MYT1L: variants seen among roughly 807,000 people sequenced by gnomAD.
The protein encoded by MYT1L is myelin transcription factor 1-like protein.
MYT1L carries 12 observed loss-of-function variants against 126.7 expected under a neutral mutation model. The observed-to-expected ratio is 0.09, with a 90% confidence interval of 0.06 to 0.15. MYT1L has a LOEUF of 0.15. Among genes scored for constraint, MYT1L ranks in the 10% least tolerant of loss-of-function variants. The probability of loss-of-function intolerance (pLI) is 1.00; values close to 1 mark genes in which losing one functional copy is unlikely to be tolerated. For synonymous variants in MYT1L, 541 were observed against 604.2 expected, an observed-to-expected ratio of 0.90 and a Z score of 1.53; for missense variants, 979 against 1,585.2, an observed-to-expected ratio of 0.62 and a Z score of 6.49.
chr2:2,016,622 G>A (rs542539114), intron 4 of MYT1L, among the ~76,000 whole-genome samples: 12 of 152,202 alleles, frequency 7.9e-5, no homozygotes, highest in South Asian at 2.1e-4. Context: ...GTGGGAACTG[G>A]GGAAACATAT....
intron 3 of MYT1L, among the ~76,000 whole-genome samples, chr2:2,144,067 A>G (rs2084483724): frequency 6.6e-6 from 1 of 152,146 alleles, no homozygotes; most frequent in African/African-American, 2.4e-5. Context: ...ACACCCAGCT[A>G]AAAAGCCTGC....
At chr2:2,141,832 A>T (rs1210084577) in intron 3 of MYT1L, among the ~76,000 whole-genome samples, 1 of 152,214 alleles carries the variant, frequency 6.6e-6, no homozygotes, top group Non-Finnish European at 1.5e-5. Context: ...ACCTTAGTCC[A>T]GGAGCCTCCT....
At position 2,005,481 on chromosome 2, in the gene MYT1L, T is replaced by G. The variant is rs201993699; in HGVS notation, c.-157-8134A>C. Reference sequence around the variant, plus strand: ...TTTCCTGCATGTGTTCTTTCCTGAATGCGTTCTTTCCTGCAGGCATTCTTT... The same window carrying G: ...TTTCCTGCATGTGTTCTTTCCTGAAGGCGTTCTTTCCTGCAGGCATTCTTT... On this transcript the variant is annotated intron_variant, in intron 4 of 24. Coordinates refer to ENST00000647738, the MANE Select transcript of MYT1L (RefSeq NM_001303052.2). Among the ~76,000 whole-genome samples the G allele has an allele frequency of 6.4e-4, 31 of 48,292 alleles. 1 individual carries two copies. The highest frequency in any genetic ancestry group is 2.5e-3 in the Admixed American group (11 of 4,446). 31.7% of individuals were successfully genotyped at this position (48,292 alleles called of 152,430 possible).
At chr2:2,199,120 G>A (rs1333585566) in intron 2 of MYT1L, among the ~76,000 whole-genome samples, 1 of 152,154 alleles carries the variant, frequency 6.6e-6, no homozygotes, top group Non-Finnish European at 1.5e-5. Flanking sequence ...AGTAGGCTTT[G>A]GAAAGGTTCA....
chr2:2,152,327 T>C (rs1240087568), intron 3 of MYT1L, among the ~76,000 whole-genome samples: 1 of 152,254 alleles, frequency 6.6e-6, no homozygotes, highest in African/African-American at 2.4e-5. Flanking sequence ...ATCAGGCTAC[T>C]CAGAATGGAG....
At chr2:1,974,318 G>A (rs1158404920) in intron 8 of MYT1L, 5 of 152,192 alleles carry the variant, frequency 3.3e-5, no homozygotes, top group African/African-American at 7.2e-5. Flanking sequence ...GCTGAGCCAC[G>A]TGTGCAGCCA....
intron 18 of MYT1L, among the ~76,000 whole-genome samples, chr2:1,865,063 G>A (rs2045272954): frequency 1.3e-5 from 2 of 152,316 alleles, no homozygotes; most frequent in Admixed American, 1.3e-4. Context: ...GTGCTCTTGT[G>A]GGGAGGCGGG....
In MYT1L at chr2:2,228,927, A is replaced by G. The variant is rs142681245; in HGVS notation, c.-421+55477T>C. Among the ~76,000 whole-genome samples, 352 of 152,256 alleles carry G rather than the reference A, an allele frequency of 2.3e-3. 3 individuals carry two copies. Among genetic ancestry groups the G allele is most frequent in the African/African-American group, 7.4e-3 (308 of 41,562 alleles). On this transcript the variant is annotated intron_variant, in intron 2 of 24. Coordinates refer to ENST00000647738, the MANE Select transcript of MYT1L (RefSeq NM_001303052.2). The surrounding 1 kb of genome is among the most constrained non-coding windows in gnomAD (Gnocchi z 5.9). The stretch of plus-strand genomic sequence containing the variant: ...AGGGCAAGTTAATAAGAAGAAACAC[A>G]AGCAGTAGAGAAGGATATGAAGTGA...
At chr2:1,812,108 G>C (rs187510520) in intron 21 of MYT1L, among the ~76,000 whole-genome samples, 22 of 152,150 alleles carry the variant, frequency 1.4e-4, no homozygotes, top group African/African-American at 4.8e-4. Flanking sequence ...GTGTGTCTGC[G>C]CTTTGGCCCC....
chr2:2,151,103 C>T (rs7580137), intron 3 of MYT1L, among the ~76,000 whole-genome samples: 5,511 of 152,096 alleles, frequency 0.036, 130 homozygotes, highest in South Asian at 0.088. Context: ...TGAGTCTGTG[C>T]CAAGAAAACT....
At chr2:2,098,948 G>C (rs2077738770) in intron 3 of MYT1L, among the ~76,000 whole-genome samples, 1 of 152,148 alleles carries the variant, frequency 6.6e-6, no homozygotes, top group African/African-American at 2.4e-5. Context: ...CTCCCAAAAG[G>C]TGTGGGGAGA....
At chr2:2,226,043 G>A (rs73179707) in intron 2 of MYT1L, among the ~76,000 whole-genome samples, 2,759 of 152,208 alleles carry the variant, frequency 0.018, 73 homozygotes, top group African/African-American at 0.062. Flanking sequence ...CCAGAGGGGT[G>A]GGGATGAACA....
intron 2 of MYT1L, among the ~76,000 whole-genome samples, chr2:2,216,883 A>G (rs929518089): frequency 1.3e-5 from 2 of 152,190 alleles, no homozygotes; most frequent in Non-Finnish European, 2.9e-5. Flanking sequence ...GATAATGAAC[A>G]AAAATTATGA....
chr2:2,295,673 G>GAT (rs2095671043), intron 1 of MYT1L, among the ~76,000 whole-genome samples: 2 of 143,304 alleles, frequency 1.4e-5, no homozygotes, highest in Admixed American at 6.9e-5. Flanking sequence ...CAGAGAGAGA[G>GAT]AGAGAGACAG....
intron 3 of MYT1L, among the ~76,000 whole-genome samples, chr2:2,075,605 G>A (rs918681293): frequency 2.0e-5 from 3 of 152,166 alleles, no homozygotes; most frequent in African/African-American, 2.4e-5. Context: ...AATCATTGGA[G>A]GAGGGATGAA....
chr2:2,175,697 A>T (rs183542699), intron 2 of MYT1L, among the ~76,000 whole-genome samples: 9 of 152,314 alleles, frequency 5.9e-5, no homozygotes, highest in Middle Eastern at 3.4e-3. Flanking sequence ...CCTTGCCTCG[A>T]TACTGTCTGA....
At chr2:2,158,648 C>CAT (rs1553518951) in intron 3 of MYT1L, among the ~76,000 whole-genome samples, 2 of 149,524 alleles carry the variant, frequency 1.3e-5, no homozygotes, top group Non-Finnish European at 3.0e-5. Context: ...CACACACACA[C>CAT]GCGTAGGTGG....
intron 19 of MYT1L, among the ~76,000 whole-genome samples, chr2:1,844,861 C>T (rs1016756022): frequency 6.6e-6 from 1 of 152,188 alleles, no homozygotes; most frequent in African/African-American, 2.4e-5. Flanking sequence ...CAGGCCCTTC[C>T]CGAGCCCTGG....
intron 3 of MYT1L, among the ~76,000 whole-genome samples, chr2:2,122,874 A>T (rs866196313): frequency 0.011 from 1,219 of 108,708 alleles, 9 homozygotes; most frequent in African/African-American, 0.032. Flanking sequence ...TGTGTGTGTG[A>T]GAGAGAGAGA....
Sources: gnomAD v4.1 joint callset for allele counts (sites outside exome capture counted in the v4.1 genomes callset) on GRCh38, gnomAD v4.1.1 for gene constraint, Gnocchi (gnomAD v3.1) non-coding constraint, MANE v1.5 for transcripts, NCBI Gene and HGNC (gene_info 2026-07-23, HGNC 2026-07-21) for gene names.